The following FRAS1 variants were observed in gnomAD, a reference collection of about 807,000 sequenced individuals.
FRAS1 encodes extracellular matrix organizing protein FRAS1.
FRAS1 carries 290 observed loss-of-function variants against 435.2 expected under a neutral mutation model. The ratio of observed to expected loss-of-function variants is 0.67; its 90% CI spans 0.61 to 0.73. FRAS1 has a LOEUF of 0.73. Among genes scored for constraint, FRAS1 ranks in the 30% least tolerant of loss-of-function variants. The probability of loss-of-function intolerance (pLI) is 0.00; values close to 1 mark genes in which losing one functional copy is unlikely to be tolerated. For missense variants in FRAS1, 4,860 were observed against 5,001.5 expected, an observed-to-expected ratio of 0.97 and a Z score of 0.85; for synonymous variants, 1,800 against 1,851.0, an observed-to-expected ratio of 0.97 and a Z score of 0.71.
intron 4 of FRAS1, among the ~76,000 whole-genome samples, chr4:78,247,815 A>G (rs1033340738): frequency 7.9e-5 from 12 of 152,214 alleles, no homozygotes; most frequent in African/African-American, 2.9e-4. Flanking sequence ...TAGCTATAAA[A>G]TAGCCTGGCA....
At chr4:78,452,952 AG>A (rs1288652037) in intron 47 of FRAS1, among the ~76,000 whole-genome samples, 1 of 152,250 alleles carries the variant, frequency 6.6e-6, no homozygotes, top group East Asian at 1.9e-4. Context: ...AAGTGCACAG[AG>A]GTGGCATTTA....
intron 59 of FRAS1, among the ~76,000 whole-genome samples, chr4:78,494,940 A>G (rs1720470001): frequency 6.6e-6 from 1 of 152,184 alleles, no homozygotes; most frequent in African/African-American, 2.4e-5. Flanking sequence ...GGAATACTTT[A>G]CAGAATGTCA....
chr4:78,417,332 T>A (rs1218876203), intron 32 of FRAS1, among the ~76,000 whole-genome samples: 4 of 152,198 alleles, frequency 2.6e-5, no homozygotes, highest in Non-Finnish European at 5.9e-5. Flanking sequence ...GAATATCGCA[T>A]GGTACTCTGA....
At chr4:78,363,403 C>A in intron 20 of FRAS1, 110 bp from the exon 21 acceptor site, 2 of 1,079,774 alleles carry the variant, frequency 1.9e-6, no homozygotes, top group Non-Finnish European at 1.3e-6. Flanking sequence ...TACTCTCCAG[C>A]TGTCAGCTGC....
At chr4:78,443,754 G>T (rs536386602) in intron 41 of FRAS1, among the ~76,000 whole-genome samples, 2 of 152,360 alleles carry the variant, frequency 1.3e-5, no homozygotes, top group East Asian at 3.9e-4. Flanking sequence ...TAAAGCTTCA[G>T]TGACAGATTC....
At chr4:78,479,317 T>A (rs1410488541) in intron 55 of FRAS1, 57 bp from the exon 56 acceptor site, 1 of 1,224,130 alleles carries the variant, frequency 8.2e-7, no homozygotes, top group Non-Finnish European at 1.1e-6. Context: ...ACCAGAGGTT[T>A]TAAAATCTGA....
intron 2 of FRAS1, among the ~76,000 whole-genome samples, chr4:78,163,265 T>C (rs891193306): frequency 6.6e-6 from 1 of 152,222 alleles, no homozygotes; most frequent in East Asian, 1.9e-4. Context: ...TTTACATGTA[T>C]AGATTGTAGA....
intron 2 of FRAS1, among the ~76,000 whole-genome samples, chr4:78,230,874 C>T (rs899792034): frequency 1.3e-5 from 2 of 152,196 alleles, no homozygotes; most frequent in African/African-American, 4.8e-5. Context: ...CATTTCAACT[C>T]TGTAGTCCAG....
intron 2 of FRAS1, among the ~76,000 whole-genome samples, chr4:78,206,811 CT>C (rs1723280037): frequency 6.6e-6 from 1 of 152,210 alleles, no homozygotes; most frequent in Non-Finnish European, 1.5e-5. Flanking sequence ...GGCCTCCTGA[CT>C]TCCAGCCTAA....
chr4:78,522,633 T>C lies in FRAS1; in HGVS notation c.10649-16T>C. The C allele has an allele frequency of 6.3e-7, 1 of 1,587,832 alleles. No homozygotes were observed. The highest frequency in any genetic ancestry group is 8.6e-7 in the Non-Finnish European group (1 of 1,165,912). On this transcript the variant is annotated splice_polypyrimidine_tract_variant and intron_variant, in intron 68 of 73. Transcript: ENST00000512123. ...ACCACAAGTACATTAAATGCATGTG[T>C]TTCCCCTTCAAATAGGACAGTTTGT... is the stretch of plus-strand genomic sequence containing the variant.
chr4:78,187,746 G>A (rs911693951), intron 2 of FRAS1, among the ~76,000 whole-genome samples: 1 of 152,086 alleles, frequency 6.6e-6, no homozygotes, highest in East Asian at 1.9e-4. Context: ...TGGGACTACA[G>A]GTATGTGCTA....
At chr4:78,367,337 G>A (rs1177249255) in intron 22 of FRAS1, among the ~76,000 whole-genome samples, 2 of 151,876 alleles carry the variant, frequency 1.3e-5, no homozygotes, top group African/African-American at 2.4e-5. Context: ...GGGAGGTGGA[G>A]GCTACAGTGA....
intron 2 of FRAS1, among the ~76,000 whole-genome samples, chr4:78,133,152 G>C (rs891323631): frequency 6.6e-5 from 10 of 152,098 alleles, no homozygotes; most frequent in Non-Finnish European, 1.5e-4. Flanking sequence ...ACATAAAATT[G>C]GTACTTATAC....
At chr4:78,133,337 G>A (rs539216072) in intron 2 of FRAS1, among the ~76,000 whole-genome samples, 1 of 152,178 alleles carries the variant, frequency 6.6e-6, no homozygotes, top group East Asian at 1.9e-4. Flanking sequence ...TTGAACTCAT[G>A]GAGATAGAAA....
rs1402972207 is a variant in FRAS1 at position 78,522,768 on chromosome 4, T to A, written c.10768T>A (p.Ser3590Thr). 6 of 1,611,892 alleles carry A rather than the reference T, an allele frequency of 3.7e-6. No homozygotes were observed. The Admixed American group carries it at 5.0e-5, about 13-fold the overall frequency. ...QLLWSAQTFD[S>T]PHQLWRATSS... ...ATTATGGAGCGCTCAGACTTTTGAT[T>A]CTCCACATCAACTCTGGAGAGCCAC... The change falls in exon 69 of 74, where the codon TCT becomes ACT. Residue 3590 changes from serine (S) to threonine (T), a missense_variant. Physicochemically the swap from Ser to Thr is moderately conservative, Grantham distance 58. Coordinates refer to ENST00000512123, the MANE Select transcript of FRAS1 (RefSeq NM_025074.7).
At chr4:78,231,808 G>T (rs928784915) in intron 2 of FRAS1, among the ~76,000 whole-genome samples, 4 of 151,636 alleles carry the variant, frequency 2.6e-5, no homozygotes, top group Middle Eastern at 3.2e-3. Flanking sequence ...CTATTACTTT[G>T]AAGTATTTGG....
rs1348533050 is a variant in FRAS1, at chr4:78,245,292, A to G, written c.276A>G (p.Pro92=). 4 of 1,608,516 alleles carry G rather than the reference A, an allele frequency of 2.5e-6. No homozygotes were observed. The highest frequency in any genetic ancestry group is 3.4e-6 in the Non-Finnish European group (4 of 1,177,348). ...GTCCTGAGTGTGTTTTGAGGACTCC[A>G]GGATCTTGCCATCATGAAAAGAAAA... ...QCCPECVLRT[P]GSCHHEKKIH... The change falls in exon 4 of 74, where the codon CCA becomes CCG. Residue 92 remains proline (P), a synonymous_variant. Transcript: ENST00000512123.
intron 59 of FRAS1, among the ~76,000 whole-genome samples, chr4:78,494,106 A>G (rs1441371236): frequency 6.6e-6 from 1 of 151,948 alleles, no homozygotes; most frequent in Non-Finnish European, 1.5e-5. Context: ...CTTAACTTGT[A>G]TTTCTTCTTA....
intron 2 of FRAS1, among the ~76,000 whole-genome samples, chr4:78,125,129 G>C (rs905332335): frequency 6.6e-6 from 1 of 152,180 alleles, no homozygotes; most frequent in Admixed American, 6.5e-5. Context: ...GGCATTTAAT[G>C]CTATAAATTT....
Sources: allele counts gnomAD v4.1 joint callset (sites outside exome capture counted in the v4.1 genomes callset), GRCh38; gene constraint gnomAD v4.1.1; transcripts MANE v1.5; gene names NCBI Gene and HGNC (gene_info 2026-07-23, HGNC 2026-07-21).